The following ADCK1 variants were observed in gnomAD, a reference collection of about 807,000 sequenced individuals.
The protein encoded by ADCK1 is aarF domain-containing protein kinase 1.
A neutral mutation model predicts 52.3 loss-of-function variants in ADCK1; 41 were observed. The ratio of observed to expected loss-of-function variants is 0.78; its 90% confidence interval spans 0.61 to 1.02. The LOEUF is 1.02. Ranked by LOEUF, ADCK1 falls within the 50% of genes least tolerant of loss-of-function variation. The pLI is 0.00. For missense variants in ADCK1, 658 were observed against 679.5 expected, an observed-to-expected ratio of 0.97 and a Z score of 0.35; for synonymous variants, 250 against 274.6, an observed-to-expected ratio of 0.91 and a Z score of 0.89.
intron 7 of ADCK1, chr14:77,924,216 T>C: frequency 2.0e-6 from 1 of 490,596 alleles, no homozygotes; most frequent in South Asian, 2.9e-5. Flanking sequence ...CCTCGAACTT[T>C]AAAAAATACT....
At position 77,931,228 on chromosome 14, in the gene ADCK1, G is replaced by A. The variant is rs375821725; in HGVS notation, c.1207-290G>A. Among the ~76,000 whole-genome samples, 13 of 152,286 alleles carry A rather than the reference G, an allele frequency of 8.5e-5. No individual in the cohort carries two copies. In the East Asian group the frequency reaches 2.5e-3, roughly 29 times the overall value. Reference sequence around the variant, plus strand: ...GACCTGATCTAAAATTGCGGCCAGTGAAAAAGCCATGGAGAATAACCTGGT... The same window carrying A: ...GACCTGATCTAAAATTGCGGCCAGTAAAAAAGCCATGGAGAATAACCTGGT... On this transcript the variant is annotated intron_variant, in intron 9 of 10. Coordinates refer to ENST00000238561, the MANE Select transcript of ADCK1 (RefSeq NM_020421.4).
intron 3 of ADCK1, among the ~76,000 whole-genome samples, chr14:77,839,844 G>A (rs1407008659): frequency 1.4e-5 from 2 of 147,902 alleles, no homozygotes; most frequent in South Asian, 2.2e-4. Flanking sequence ...GCTTGAACCC[G>A]GGAAGTCGAG....
chr14:77,845,042 G>C (rs1326287717), intron 3 of ADCK1, among the ~76,000 whole-genome samples: 1 of 152,234 alleles, frequency 6.6e-6, no homozygotes, highest in African/African-American at 2.4e-5. Flanking sequence ...TTACAGATGA[G>C]CTGAGGCCCA....
intron 4 of ADCK1, among the ~76,000 whole-genome samples, chr14:77,877,614 C>T (rs914578032): frequency 6.6e-6 from 1 of 152,152 alleles, no homozygotes; most frequent in African/African-American, 2.4e-5. Flanking sequence ...GTATTTCTGG[C>T]TCTCTCCAGT....
chr14:77,859,352 C>A, intron 4 of ADCK1, 73 bp downstream of exon 4: 3 of 1,474,572 alleles, frequency 2.0e-6, no homozygotes, highest in Admixed American at 2.1e-5. Context: ...ATTCTTGCAG[C>A]CTCGACCAGG....
intron 4 of ADCK1, among the ~76,000 whole-genome samples, chr14:77,867,948 A>G (rs1215180533): frequency 6.6e-6 from 1 of 152,256 alleles, no homozygotes; most frequent in Non-Finnish European, 1.5e-5. Context: ...GGTAAATGCC[A>G]GTTCACTGTC....
chr14:77,915,302 T>C (rs1471702216), intron 7 of ADCK1, among the ~76,000 whole-genome samples: 1 of 151,724 alleles, frequency 6.6e-6, no homozygotes, highest in Non-Finnish European at 1.5e-5. Context: ...TATTTAACAT[T>C]AGGTATATCT....
chr14:77,915,656 A>G, intron 7 of ADCK1, among the ~76,000 whole-genome samples: 1 of 152,226 alleles, frequency 6.6e-6, no homozygotes. Context: ...AAACTATCAC[A>G]AGGACAAAAG....
At chr14:77,856,529 C>T (rs1316588297) in intron 3 of ADCK1, among the ~76,000 whole-genome samples, 7 of 151,994 alleles carry the variant, frequency 4.6e-5, no homozygotes, top group Non-Finnish European at 8.8e-5. Context: ...GACATTGATA[C>T]CTTTCTGCCT....
intron 3 of ADCK1, among the ~76,000 whole-genome samples, chr14:77,845,306 G>A (rs934733654): frequency 2.6e-5 from 4 of 152,168 alleles, no homozygotes; most frequent in Admixed American, 2.6e-4. Context: ...TTAAAAGAGA[G>A]GATAATAATT....
At chr14:77,808,806 C>T (rs970565299) in intron 1 of ADCK1, among the ~76,000 whole-genome samples, 15 of 152,184 alleles carry the variant, frequency 9.9e-5, no homozygotes, top group Non-Finnish European at 4.4e-5. Flanking sequence ...GAACTCCTGA[C>T]CTCAGGTGAT....
chr14:77,925,671 C>T (rs549179203), intron 8 of ADCK1, 93 bp from the exon 9 acceptor site: 277 of 1,273,718 alleles, frequency 2.2e-4, no homozygotes, highest in Non-Finnish European at 2.9e-4. Context: ...CAGTCCTCAC[C>T]GTCGTCTTTT....
chr14:77,825,272 C>A (rs777703780), intron 3 of ADCK1, among the ~76,000 whole-genome samples: 14 of 152,184 alleles, frequency 9.2e-5, no homozygotes, highest in Non-Finnish European at 1.5e-4. Flanking sequence ...TGTTTCAATG[C>A]CAGCCTGTAT....
At chr14:77,889,971 A>C (rs2083249937) in intron 5 of ADCK1, among the ~76,000 whole-genome samples, 1 of 152,228 alleles carries the variant, frequency 6.6e-6, no homozygotes, top group East Asian at 1.9e-4. Flanking sequence ...GCCCAAGAGG[A>C]TAAGTTCATG....
At chr14:77,820,104 A>G (rs985185066) in intron 2 of ADCK1, among the ~76,000 whole-genome samples, 11 of 152,160 alleles carry the variant, frequency 7.2e-5, no homozygotes, top group African/African-American at 2.7e-4. Flanking sequence ...GGGCAGAAAC[A>G]AACTGTCCCA....
At chr14:77,827,350 C>CAAAAA (rs772586548) in intron 3 of ADCK1, among the ~76,000 whole-genome samples, 9 of 71,984 alleles carry the variant, frequency 1.3e-4, no homozygotes, top group East Asian at 4.9e-4. Flanking sequence ...GACTCTGTCT[C>CAAAAA]AAAAAAAAAA....
At chr14:77,922,585 T>C (rs75207432) in intron 7 of ADCK1, among the ~76,000 whole-genome samples, 4,875 of 152,276 alleles carry the variant, frequency 0.032, 243 homozygotes, top group African/African-American at 0.11. Context: ...TTACTGAAGC[T>C]GATGGCATAA....
chr14:77,851,502 CT>C (rs1168234236), intron 3 of ADCK1, among the ~76,000 whole-genome samples: 3 of 152,114 alleles, frequency 2.0e-5, no homozygotes, highest in African/African-American at 7.2e-5. Flanking sequence ...GGATTTATGT[CT>C]TTGTTCTAGT....
intron 7 of ADCK1, among the ~76,000 whole-genome samples, chr14:77,912,335 G>A (rs887328393): frequency 1.3e-5 from 2 of 152,098 alleles, no homozygotes; most frequent in South Asian, 2.1e-4. Context: ...CAGTAGTGTT[G>A]GGAGTAGATT....
Sources: gnomAD v4.1 joint callset for allele counts (sites outside exome capture counted in the v4.1 genomes callset) on GRCh38, gnomAD v4.1.1 for gene constraint, MANE v1.5 for transcripts, NCBI Gene and HGNC (gene_info 2026-07-23, HGNC 2026-07-21) for gene names.